The following NEMP2 variants were observed in gnomAD, a reference collection of about 807,000 sequenced individuals.
The protein encoded by NEMP2 is nuclear envelope integral membrane protein 2.
Under a neutral mutation model 54.2 loss-of-function variants are expected in NEMP2, and 53 were observed. The ratio of observed to expected loss-of-function variants is 0.98; its 90% CI spans 0.78 to 1.23. The LOEUF (loss-of-function observed/expected upper bound fraction) is 1.23. NEMP2 is among the 50% of genes most tolerant of loss of function. NEMP2 has a pLI of 0.00. For missense variants in NEMP2, 455 were observed against 511.3 expected, an observed-to-expected ratio of 0.89 and a Z score of 1.06; for synonymous variants, 197 against 190.3, an observed-to-expected ratio of 1.04 and a Z score of -0.29.
At chr2:190,614,489 C>A in the NEMP2 span, among the ~76,000 whole-genome samples, 1 of 152,050 alleles carries the variant, frequency 6.6e-6, no homozygotes, top group South Asian at 2.1e-4. This position sits in a 1 kb window ranked among gnomAD's most constrained non-coding sequence, Gnocchi z 5.7. Flanking sequence ...TACAAACATG[C>A]ACACATACAC....
At chr2:190,534,388 G>C (rs994043858) in intron 1 of NEMP2, 171 bp downstream of exon 1, 8 of 1,211,056 alleles carry the variant, frequency 6.6e-6, no homozygotes, top group Admixed American at 4.4e-5. Context: ...AGCCCAGTAA[G>C]ACAGGAAGGG....
downstream of NEMP2, chr2:190,500,114 G>A (rs150227947): frequency 4.0e-4 from 643 of 1,614,154 alleles, 4 homozygotes; most frequent in African/African-American, 6.8e-3. This position sits in a 1 kb window ranked among gnomAD's most constrained non-coding sequence, Gnocchi z 5.3. Flanking sequence ...ATCCCCTGAC[G>A]CAGCAGCATC....
chr2:190,553,043 C>T, the NEMP2 span, among the ~76,000 whole-genome samples: 1 of 150,620 alleles, frequency 6.6e-6, no homozygotes, highest in Non-Finnish European at 1.5e-5. Context: ...ATAAAAATAA[C>T]AATTTCTTTT....
chr2:190,571,237 C>T, the NEMP2 span, among the ~76,000 whole-genome samples: 1 of 152,176 alleles, frequency 6.6e-6, no homozygotes, highest in African/African-American at 2.4e-5. Flanking sequence ...ATACATCTTT[C>T]TCTTGAATTA....
the NEMP2 span, chr2:190,626,803 T>C: frequency 6.6e-6 from 1 of 152,190 alleles, no homozygotes; most frequent in Non-Finnish European, 1.5e-5. The surrounding 1 kb of genome is among the most constrained non-coding windows in gnomAD (Gnocchi z 4.5). Context: ...ATTCTGGGTT[T>C]CCCAAGTGTG....
chr2:190,421,494 G>GGGTT, the NEMP2 span, among the ~76,000 whole-genome samples: 1 of 152,170 alleles, frequency 6.6e-6, no homozygotes, highest in Non-Finnish European at 1.5e-5. Flanking sequence ...ATGTTTACAA[G>GGGTT]GTTACAAACC....
At chr2:190,518,930 A>G (rs1250846237) in intron 3 of NEMP2, 22 bp downstream of exon 3, 5 of 1,535,952 alleles carry the variant, frequency 3.3e-6, no homozygotes, top group Non-Finnish European at 4.4e-6. Context: ...CAGAAAGTCA[A>G]GTATAATAAA....
Position 190,514,707 on chromosome 2 carries a change from T to C in NEMP2, c.728-29A>G, listed in dbSNP as rs762501790. On this transcript the variant is annotated intron_variant, in intron 6 of 8. Transcript: ENST00000409150. This position sits in a 1 kb window ranked among gnomAD's most constrained non-coding sequence, Gnocchi z 5.7. Reference sequence around the variant, plus strand: ...GAAAAGTGGAAGAGGTAAAATAATATAAATTTGAATTTGAGACATTATGTG... The same window carrying C: ...GAAAAGTGGAAGAGGTAAAATAATACAAATTTGAATTTGAGACATTATGTG... 9.8e-6 allele frequency: 15 copies of C among 1,536,094 alleles called. No individual in the cohort carries two copies. In the South Asian group the frequency reaches 1.8e-4, roughly 18 times the overall value.
the NEMP2 span, among the ~76,000 whole-genome samples, chr2:190,647,291 C>T: frequency 3.9e-5 from 6 of 152,130 alleles, no homozygotes; most frequent in Non-Finnish European, 8.8e-5. Flanking sequence ...CGGCATTACT[C>T]ATTTCTATAA....
chr2:190,622,451 T>C, the NEMP2 span, among the ~76,000 whole-genome samples: 1 of 151,832 alleles, frequency 6.6e-6, no homozygotes, highest in Non-Finnish European at 1.5e-5. Flanking sequence ...GGCTAAGACA[T>C]CTAGATATTT....
the NEMP2 span, among the ~76,000 whole-genome samples, chr2:190,572,662 A>G: frequency 1.3e-5 from 2 of 151,744 alleles, no homozygotes; most frequent in Middle Eastern, 3.4e-3. Flanking sequence ...CATTATATCA[A>G]GAGCTTTTTT....
At chr2:190,482,656 CCTT>C in the NEMP2 span, among the ~76,000 whole-genome samples, 1 of 148,204 alleles carries the variant, frequency 6.7e-6, no homozygotes, top group Admixed American at 6.7e-5. Context: ...GCAGCTGTCT[CCTT>C]AAGAAGAAAG....
the NEMP2 span, among the ~76,000 whole-genome samples, chr2:190,473,365 A>C: frequency 6.6e-6 from 1 of 152,204 alleles, no homozygotes; most frequent in African/African-American, 2.4e-5. Context: ...AAACACACAT[A>C]GGCTCAAAAT....
At chr2:190,483,421 C>T in the NEMP2 span, among the ~76,000 whole-genome samples, 15 of 152,076 alleles carry the variant, frequency 9.9e-5, no homozygotes, top group Admixed American at 2.6e-4. Context: ...TATCTCTGTG[C>T]CTTGGTTTCC....
the NEMP2 span, chr2:190,436,713 C>T: frequency 6.2e-6 from 10 of 1,614,060 alleles, no homozygotes; most frequent in Non-Finnish European, 8.5e-6. The surrounding 1 kb of genome is among the most constrained non-coding windows in gnomAD (Gnocchi z 5.3). Context: ...CTCTGCAGCC[C>T]CAGACAGGTG....
chr2:190,513,858 C>T lies in NEMP2; in HGVS notation c.953+595G>A, dbSNP rs777085763. Among the ~76,000 whole-genome samples, 10 of 152,134 alleles carry T rather than the reference C, an allele frequency of 6.6e-5. No homozygotes were observed. The highest frequency in any genetic ancestry group is 1.5e-4 in the Non-Finnish European group (10 of 68,014). ...TGTATGCCTATGTCTAGCAAGTATA[C>T]CTCAAGGGCAAGAACCATCTCCATC... is the stretch of plus-strand genomic sequence containing the variant. On this transcript the variant is annotated intron_variant, in intron 7 of 8. Transcript: ENST00000409150. The surrounding 1 kb of genome is among the most constrained non-coding windows in gnomAD (Gnocchi z 5.3).
chr2:190,455,006 T>TA, the NEMP2 span, among the ~76,000 whole-genome samples: 31 of 119,136 alleles, frequency 2.6e-4, no homozygotes, highest in African/African-American at 6.6e-4. Flanking sequence ...GTATAATGTA[T>TA]ATGTATATGT....
At chr2:190,493,138 C>G in the NEMP2 span, among the ~76,000 whole-genome samples, 2 of 151,944 alleles carry the variant, frequency 1.3e-5, no homozygotes, top group Non-Finnish European at 2.9e-5. Flanking sequence ...TCAAGAGACT[C>G]GCCTAACACA....
chr2:190,646,445 A>T, the NEMP2 span, among the ~76,000 whole-genome samples: 1 of 152,246 alleles, frequency 6.6e-6, no homozygotes, highest in Admixed American at 6.5e-5. Context: ...GACTTGACTC[A>T]GATACAGGCG....
Sources: allele counts gnomAD v4.1 joint callset (sites outside exome capture counted in the v4.1 genomes callset), GRCh38; gene constraint gnomAD v4.1.1; non-coding constraint Gnocchi (gnomAD v3.1); transcripts MANE v1.5; gene names NCBI Gene and HGNC (gene_info 2026-07-23, HGNC 2026-07-21).